The following SPARCL1 variants were observed in gnomAD, a reference collection of about 807,000 sequenced individuals.
SPARCL1 encodes the protein SPARC-like protein 1.
Under a neutral mutation model 67.1 loss-of-function variants are expected in SPARCL1, and 52 were observed. The ratio of observed to expected loss-of-function variants is 0.78; its 90% CI spans 0.62 to 0.98. The LOEUF (loss-of-function observed/expected upper bound fraction) is 0.98. SPARCL1 is among the 50% of genes least tolerant of loss of function. The pLI is 0.00. For missense variants in SPARCL1, 717 were observed against 782.4 expected (o/e 0.92, Z 1.00); for synonymous variants, 226 against 267.8 (o/e 0.84, Z 1.52).
At chr4:87,528,785 C>G (rs1726158527) in intron 1 of SPARCL1, among the ~76,000 whole-genome samples, 1 of 152,096 alleles carries the variant, frequency 6.6e-6, no homozygotes, top group African/African-American at 2.4e-5. Flanking sequence ...ATCAACAGTT[C>G]CACATTTCTA....
At position 87,494,314 on chromosome 4, in the gene SPARCL1, T is replaced by C; in HGVS notation, c.486A>G (p.Glu162=). Residue 162 remains glutamate (E), a synonymous_variant, in exon 4 of 11, where the codon GAA becomes GAG. Coordinates refer to ENST00000282470, the MANE Select transcript of SPARCL1 (RefSeq NM_004684.6). ...NQQESITKRE[E]NQEQPRNYSH... is the part of the protein sequence containing the mutation. ...AATAATTTCTAGGTTGTTCTTGGTTTTCCTCTCTCTTTGTGATACTTTCTT... is the reference window on the plus strand; with the variant it reads ...AATAATTTCTAGGTTGTTCTTGGTTCTCCTCTCTCTTTGTGATACTTTCTT... 1.2e-6 allele frequency: 2 copies of C among 1,614,186 alleles called. No homozygotes were observed. The highest frequency in any genetic ancestry group is 1.7e-6 in the Non-Finnish European group (2 of 1,180,036).
rs143716987 is a variant in SPARCL1 at position 87,493,739 on chromosome 4, C to T, written c.1061G>A (p.Arg354Lys). 2.5e-6 allele frequency: 4 copies of T among 1,614,154 alleles called. No individual in the cohort carries two copies. Among genetic ancestry groups the T allele is most frequent in the Non-Finnish European group, 3.4e-6 (4 of 1,180,022 alleles). The part of the protein sequence containing the change: ...DGDDGGTDGP[R>K]HSASDDYFIP... ...GAAGTAGTCATCACTTGCACTGTGC[C>T]TGGGGCCATCAGTGCCGCCATCATC... is the stretch of plus-strand genomic sequence containing the variant. Residue 354 changes from arginine (R) to lysine (K), a missense_variant, in exon 4 of 11, where the codon AGG becomes AAG. Transcript: ENST00000282470.
rs3037337 is a variant in SPARCL1, at chr4:87,511,967, C to CTTTTTTTT, written c.-11-12390_-11-12383dup. The stretch of plus-strand genomic sequence containing the variant: ...TTCCTTTCCTTTCCTCTTTCTTTCT[C>CTTTTTTTT]TTTTTTTTTTTTTTTGAGACAGAGT... On this transcript the variant is annotated intron_variant, in intron 1 of 10. Coordinates refer to ENST00000282470, the MANE Select transcript of SPARCL1 (RefSeq NM_004684.6). 8.1e-3 allele frequency among the ~76,000 whole-genome samples: 984 copies of CTTTTTTTT among 121,460 alleles called. 97 individuals carry two copies. In the East Asian group the frequency reaches 0.14, roughly 17 times the overall value. The allele number at this position is 121,460 out of a possible 152,430, so 79.7% of individuals were successfully genotyped here. A position where few individuals can be genotyped will look rare whatever the true frequency, so the allele number is the denominator to read the frequency against.
intron 7 of SPARCL1, among the ~76,000 whole-genome samples, chr4:87,485,543 C>A (rs1361325561): frequency 6.9e-6 from 1 of 144,320 alleles, no homozygotes; most frequent in Non-Finnish European, 1.5e-5. Flanking sequence ...TTTTGTATAT[C>A]CTTCAGGTTT....
intron 1 of SPARCL1, among the ~76,000 whole-genome samples, chr4:87,519,859 C>T (rs975220056): frequency 2.6e-5 from 4 of 152,042 alleles, no homozygotes; most frequent in African/African-American, 9.7e-5. Context: ...TTTAGGATGA[C>T]CCCTCTCCAA....
chr4:87,506,782 CATCTATCTATCTATCTATCT>C (rs11412640), intron 1 of SPARCL1, among the ~76,000 whole-genome samples: 2 of 93,744 alleles, frequency 2.1e-5, no homozygotes, highest in Admixed American at 1.1e-4. Context: ...ATCTATCTAT[CATCTATCTATCTATCTATCT>C]ATCTATCTAT....
intron 1 of SPARCL1, among the ~76,000 whole-genome samples, chr4:87,514,156 T>C (rs905907858): frequency 2.6e-4 from 39 of 152,146 alleles, no homozygotes; most frequent in African/African-American, 9.4e-4. Context: ...ATTGAGCCAC[T>C]GCACTCCAGC....
intron 10 of SPARCL1, among the ~76,000 whole-genome samples, chr4:87,479,138 C>A (rs1445783128): frequency 6.6e-6 from 1 of 152,170 alleles, no homozygotes; most frequent in Non-Finnish European, 1.5e-5. Flanking sequence ...ACAAAGCCTG[C>A]TGAGATTTGG....
At chr4:87,494,726 C>T (rs556111959) in intron 3 of SPARCL1, 128 bp from the exon 4 acceptor site, 15 of 923,654 alleles carry the variant, frequency 1.6e-5, no homozygotes, top group Non-Finnish European at 2.2e-5. Flanking sequence ...TATAATATTC[C>T]TCACACTCTG....
At chr4:87,509,898 T>G (rs1370985398) in intron 1 of SPARCL1, among the ~76,000 whole-genome samples, 1 of 152,142 alleles carries the variant, frequency 6.6e-6, no homozygotes, top group Non-Finnish European at 1.5e-5. Context: ...GCATGACCTG[T>G]GAGAGACAAT....
chr4:87,522,640 A>ACAC (rs1725866273), intron 1 of SPARCL1, among the ~76,000 whole-genome samples: 1 of 131,812 alleles, frequency 7.6e-6, no homozygotes, highest in African/African-American at 2.8e-5. Flanking sequence ...ACCACCACCA[A>ACAC]ACACACACAC....
chr4:87,515,354 T>C (rs1267124012), intron 1 of SPARCL1, among the ~76,000 whole-genome samples: 5 of 152,242 alleles, frequency 3.3e-5, no homozygotes, highest in Non-Finnish European at 7.3e-5. Flanking sequence ...TGTGATCCTA[T>C]AGTTATTTGG....
intron 1 of SPARCL1, among the ~76,000 whole-genome samples, chr4:87,501,053 C>T (rs1724822862): frequency 6.6e-6 from 1 of 152,182 alleles, no homozygotes; most frequent in Non-Finnish European, 1.5e-5. Context: ...ACTTATTCTT[C>T]CTGAATTTTC....
At chr4:87,503,761 C>T (rs1724952547) in intron 1 of SPARCL1, among the ~76,000 whole-genome samples, 2 of 150,356 alleles carry the variant, frequency 1.3e-5, no homozygotes, top group Non-Finnish European at 2.9e-5. Context: ...TCACTATAAC[C>T]TCTGCCTCCT....
chr4:87,495,666 G>A (rs1325109433), intron 2 of SPARCL1, among the ~76,000 whole-genome samples: 1 of 152,208 alleles, frequency 6.6e-6, no homozygotes, highest in East Asian at 1.9e-4. Context: ...GCTCACGCCT[G>A]TAATCCCAGG....
At chr4:87,497,600 G>A (rs543103373) in intron 2 of SPARCL1, among the ~76,000 whole-genome samples, 1 of 152,192 alleles carries the variant, frequency 6.6e-6, no homozygotes, top group East Asian at 1.9e-4. Flanking sequence ...ATTCAGGCAG[G>A]CAGGGAAAAT....
At chr4:87,513,227 G>C (rs1725445627) in intron 1 of SPARCL1, among the ~76,000 whole-genome samples, 1 of 152,186 alleles carries the variant, frequency 6.6e-6, no homozygotes, top group African/African-American at 2.4e-5. Flanking sequence ...TGTCTCATTT[G>C]ATTCAATGAA....
intron 10 of SPARCL1, among the ~76,000 whole-genome samples, chr4:87,474,797 A>T (rs905218044): frequency 4.5e-4 from 63 of 141,178 alleles, no homozygotes; most frequent in African/African-American, 1.6e-3. Flanking sequence ...GGCCAGACTG[A>T]AGTGGCGCAG....
intron 1 of SPARCL1, among the ~76,000 whole-genome samples, chr4:87,509,813 G>A (rs1381629): frequency 0.27 from 41,841 of 152,172 alleles, 6,437 homozygotes; most frequent in East Asian, 0.6. Flanking sequence ...CTGTGTGTGT[G>A]CACACATGTG....
Sources: gnomAD v4.1 joint callset for allele counts (sites outside exome capture counted in the v4.1 genomes callset) on GRCh38, gnomAD v4.1.1 for gene constraint, MANE v1.5 for transcripts, NCBI Gene and HGNC (gene_info 2026-07-23, HGNC 2026-07-21) for gene names.